Variants in ANGPT1 observed in about 807,000 individuals in gnomAD.
ANGPT1 encodes the protein angiopoietin 1, also known as angiopoietin-1.
ANGPT1 carries 17 observed loss-of-function variants against 62.2 expected under a neutral mutation model. The ratio of observed to expected loss-of-function variants is 0.27; its 90% confidence interval spans 0.19 to 0.41. The LOEUF (loss-of-function observed/expected upper bound fraction) is 0.41. ANGPT1 is among the 10% of genes least tolerant of loss of function. The pLI, the probability that ANGPT1 is intolerant of heterozygous loss-of-function variation, is 1.00. For missense variants in ANGPT1, 478 were observed against 594.9 expected (o/e 0.80, Z 2.04); for synonymous variants, 199 against 198.9 (o/e 1.00, Z 0.00).
chr8:107,291,151 A>T (rs1418958575), intron 6 of ANGPT1, among the ~76,000 whole-genome samples: 1 of 152,212 alleles, frequency 6.6e-6, no homozygotes, highest in African/African-American at 2.4e-5. Flanking sequence ...ATGGTTTGCA[A>T]AACAGTATTT....
chr8:107,420,352 C>T (rs542531769), intron 1 of ANGPT1, among the ~76,000 whole-genome samples: 4 of 151,980 alleles, frequency 2.6e-5, no homozygotes, highest in South Asian at 4.1e-4. Flanking sequence ...CCAAGGTAGT[C>T]GTGTACCATA....
chr8:107,324,215 A>ATGTATATATATGTGTG (rs1554582627), intron 3 of ANGPT1, among the ~76,000 whole-genome samples: 62 of 144,828 alleles, frequency 4.3e-4, no homozygotes, highest in South Asian at 4.0e-3. Context: ...GTATATATAT[A>ATGTATATATATGTGTG]TGTGTGTGTG....
chr8:107,320,202 C>T (rs1815118003), intron 4 of ANGPT1, among the ~76,000 whole-genome samples: 1 of 152,118 alleles, frequency 6.6e-6, no homozygotes, highest in Admixed American at 6.5e-5. Flanking sequence ...GTTTGCTTCC[C>T]TGATATTGCG....
intron 1 of ANGPT1, among the ~76,000 whole-genome samples, chr8:107,465,052 G>A (rs902663262): frequency 7.9e-5 from 12 of 152,234 alleles, no homozygotes; most frequent in African/African-American, 2.9e-4. Flanking sequence ...CAGAGTAAGA[G>A]CAATAGCTGT....
At chr8:107,439,645 T>A (rs1811421266) in intron 1 of ANGPT1, among the ~76,000 whole-genome samples, 2 of 152,230 alleles carry the variant, frequency 1.3e-5, no homozygotes, top group Non-Finnish European at 2.9e-5. Flanking sequence ...TATTTATGTT[T>A]GAAATTTGCA....
Position 107,272,889 on chromosome 8 carries a change from T to TA in ANGPT1, c.1206-8539dup, listed in dbSNP as rs34340048. Among the ~76,000 whole-genome samples the TA allele has an allele frequency of 1.0e-2, 1,440 of 144,428 alleles. 71 individuals are homozygous for TA. Among genetic ancestry groups the TA allele is most frequent in the Admixed American group, 0.08 (1,157 of 14,468 alleles). 94.8% of individuals were successfully genotyped at this position (144,428 alleles called of 152,430 possible). A position where few individuals can be genotyped will look rare whatever the true frequency, so the allele number is the denominator to read the frequency against. On this transcript the variant is annotated intron_variant, in intron 7 of 8. Transcript: ENST00000517746. ...ATTCCTTCCCTTTTTTAAGAATACA[T>TA]AAAAAAAAAAAAAACTGAGTGCCAA... is the stretch of plus-strand genomic sequence containing the variant.
intron 1 of ANGPT1, among the ~76,000 whole-genome samples, chr8:107,397,022 C>A (rs760040225): frequency 3.2e-4 from 48 of 152,194 alleles, no homozygotes; most frequent in Non-Finnish European, 6.0e-4. Flanking sequence ...GGGCAGGGAA[C>A]TATAGACCTG....
chr8:107,370,267 GAAGGAAAGAAGAAAGAAAGAA>G lies in ANGPT1; in HGVS notation c.298-23191_298-23171del, dbSNP rs1358094513. Among the ~76,000 whole-genome samples the G allele has an allele frequency of 5.5e-5, 8 of 144,758 alleles. 3 individuals carry two copies. The highest frequency in any genetic ancestry group is 7.7e-5 in the African/African-American group (3 of 39,190). The allele number at this position is 144,758 out of a possible 152,430, so 95.0% of individuals were successfully genotyped here. ...AAAGAGAGAGAGAGAAAAAGAAAGA[GAAGGAAAGAAGAAAGAAAGAA>G]AAGGAAAGAAGAAAGAAAGAAGGAA... On this transcript the variant is annotated intron_variant, in intron 1 of 8. Transcript: ENST00000517746.
intron 7 of ANGPT1, among the ~76,000 whole-genome samples, chr8:107,268,094 C>T (rs1168218710): frequency 1.3e-5 from 2 of 152,046 alleles, no homozygotes; most frequent in East Asian, 3.9e-4. Flanking sequence ...CTCCTTGAGG[C>T]ATAGACTATG....
intron 1 of ANGPT1, among the ~76,000 whole-genome samples, chr8:107,379,521 AG>A: frequency 6.6e-6 from 1 of 150,942 alleles, no homozygotes; most frequent in East Asian, 2.0e-4. Flanking sequence ...CCAATTTTAT[AG>A]ATGAAGAAAC....
chr8:107,325,557 C>A (rs1270557125), intron 3 of ANGPT1, among the ~76,000 whole-genome samples: 3 of 152,042 alleles, frequency 2.0e-5, no homozygotes, highest in Admixed American at 6.6e-5. Flanking sequence ...TTCAGTTTTC[C>A]TAATCAGTAG....
intron 1 of ANGPT1, among the ~76,000 whole-genome samples, chr8:107,469,267 T>G (rs1812284521): frequency 6.6e-6 from 1 of 152,034 alleles, no homozygotes; most frequent in African/African-American, 2.4e-5. Flanking sequence ...TTATTTTGTA[T>G]TCTCATTGTC....
chr8:107,268,351 G>T (rs1382940963), intron 7 of ANGPT1, among the ~76,000 whole-genome samples: 1 of 151,116 alleles, frequency 6.6e-6, no homozygotes, highest in Non-Finnish European at 1.5e-5. Flanking sequence ...TACCTACCTG[G>T]GTACCCACTT....
chr8:107,308,452 TATA>T (rs1441729004), intron 4 of ANGPT1, among the ~76,000 whole-genome samples: 1 of 152,168 alleles, frequency 6.6e-6, no homozygotes, highest in East Asian at 1.9e-4. Flanking sequence ...CTTGTAAGGC[TATA>T]ATGTCACCAG....
At chr8:107,406,827 A>G (rs1817158037) in intron 1 of ANGPT1, among the ~76,000 whole-genome samples, 1 of 151,470 alleles carries the variant, frequency 6.6e-6, no homozygotes, top group Non-Finnish European at 1.5e-5. Flanking sequence ...AGTCATCATC[A>G]TGAATGTTAA....
intron 1 of ANGPT1, among the ~76,000 whole-genome samples, chr8:107,358,563 G>A (rs778317001): frequency 3.9e-5 from 6 of 152,156 alleles, no homozygotes; most frequent in African/African-American, 7.2e-5. Flanking sequence ...AGAATGAAAC[G>A]AAGCATGAGT....
chr8:107,290,367 A>G (rs1016104871), intron 6 of ANGPT1, among the ~76,000 whole-genome samples: 1 of 152,138 alleles, frequency 6.6e-6, no homozygotes, highest in Non-Finnish European at 1.5e-5. Flanking sequence ...GTAGATTGGT[A>G]AAGACTGGAG....
At chr8:107,320,448 T>C (rs1815124031) in intron 4 of ANGPT1, among the ~76,000 whole-genome samples, 1 of 152,194 alleles carries the variant, frequency 6.6e-6, no homozygotes, top group Non-Finnish European at 1.5e-5. Flanking sequence ...AAAATGTGTT[T>C]TCAATCTTTC....
chr8:107,366,037 C>T (rs1443979072), intron 1 of ANGPT1, among the ~76,000 whole-genome samples: 3 of 152,296 alleles, frequency 2.0e-5, no homozygotes, highest in East Asian at 3.9e-4. Context: ...AAAGGCTTGA[C>T]TCAATCCATT....
Sources: allele counts gnomAD v4.1 joint callset (sites outside exome capture counted in the v4.1 genomes callset), GRCh38; gene constraint gnomAD v4.1.1; transcripts MANE v1.5; gene names NCBI Gene and HGNC (gene_info 2026-07-23, HGNC 2026-07-21).